Variants in HPSE2 observed in about 807,000 individuals in gnomAD.
The protein encoded by HPSE2 is inactive heparanase-2.
A neutral mutation model predicts 60.5 loss-of-function variants in HPSE2; 38 were observed. The observed-to-expected ratio is 0.63, with a 90% CI of 0.48 to 0.82. The LOEUF (loss-of-function observed/expected upper bound fraction) is 0.82, where lower values mean the gene tolerates loss of function less well. Ranked by LOEUF, HPSE2 falls within the 40% of genes least tolerant of loss-of-function variation. The pLI, the probability that HPSE2 is intolerant of heterozygous loss-of-function variation, is 0.00. For synonymous variants in HPSE2, 295 were observed against 293.2 expected (o/e 1.01, Z -0.06); for missense variants, 713 against 740.4 (o/e 0.96, Z 0.43).
intron 4 of HPSE2, among the ~76,000 whole-genome samples, chr10:98,726,933 C>T (rs1220805060): frequency 6.6e-6 from 1 of 151,970 alleles, no homozygotes; most frequent in African/African-American, 2.4e-5. Context: ...AATGTGTTTC[C>T]CAACCAACAC....
At chr10:98,984,939 G>A (rs1040379385) in intron 3 of HPSE2, among the ~76,000 whole-genome samples, 9 of 152,078 alleles carry the variant, frequency 5.9e-5, no homozygotes, top group Non-Finnish European at 1.3e-4. Context: ...GAAGTTTAGA[G>A]AAAAAAGAAT....
At chr10:98,840,232 G>A (rs191746349) in intron 3 of HPSE2, among the ~76,000 whole-genome samples, 10 of 152,216 alleles carry the variant, frequency 6.6e-5, no homozygotes, top group East Asian at 1.9e-4. Flanking sequence ...TCAGCTGGGC[G>A]GGATTATATG....
intron 3 of HPSE2, among the ~76,000 whole-genome samples, chr10:99,133,886 A>G (rs1041971085): frequency 6.6e-6 from 1 of 152,206 alleles, no homozygotes; most frequent in African/African-American, 2.4e-5. Context: ...ACAGATCGAC[A>G]GAAGTAGGCT....
intron 3 of HPSE2, among the ~76,000 whole-genome samples, chr10:98,902,826 A>G (rs1437260089): frequency 6.6e-6 from 1 of 152,196 alleles, no homozygotes; most frequent in Non-Finnish European, 1.5e-5. Context: ...AAAAGGCACC[A>G]AAAATAAGAC....
intron 3 of HPSE2, among the ~76,000 whole-genome samples, chr10:98,898,089 G>A (rs1281327315): frequency 6.6e-6 from 1 of 152,096 alleles, no homozygotes; most frequent in Non-Finnish European, 1.5e-5. Context: ...ATAAGCATAT[G>A]AAAAGATGCT....
chr10:98,571,060 G>A (rs1473685040), intron 9 of HPSE2, among the ~76,000 whole-genome samples: 2 of 152,150 alleles, frequency 1.3e-5, no homozygotes. Context: ...TTGTACTAGT[G>A]CAATCGAAGA....
At chr10:98,483,434 C>T (rs145495855) in intron 10 of HPSE2, among the ~76,000 whole-genome samples, 4 of 152,218 alleles carry the variant, frequency 2.6e-5, no homozygotes, top group African/African-American at 7.2e-5. Flanking sequence ...AACATTTTTG[C>T]CATTATAAAT....
At chr10:98,465,120 TA>T (rs2133588206) in intron 11 of HPSE2, among the ~76,000 whole-genome samples, 1 of 152,358 alleles carries the variant, frequency 6.6e-6, no homozygotes, top group African/African-American at 2.4e-5. Context: ...ATTTTTCTTT[TA>T]ATATTTATCT....
intron 4 of HPSE2, among the ~76,000 whole-genome samples, chr10:98,730,725 TA>T (rs1554979798): frequency 2.0e-5 from 3 of 152,134 alleles, no homozygotes; most frequent in Non-Finnish European, 4.4e-5. Context: ...TAAATTTTTT[TA>T]AAAAATGCAG....
chr10:99,133,900 G>A (rs1196393834), intron 3 of HPSE2, among the ~76,000 whole-genome samples: 1 of 152,184 alleles, frequency 6.6e-6, no homozygotes, highest in Non-Finnish European at 1.5e-5. Flanking sequence ...GTAGGCTTCA[G>A]AAGGTGGGTA....
At chr10:98,598,572 C>T (rs1326049769) in intron 9 of HPSE2, among the ~76,000 whole-genome samples, 1 of 152,092 alleles carries the variant, frequency 6.6e-6, no homozygotes, top group Non-Finnish European at 1.5e-5. Context: ...TACCTGGGTC[C>T]ACAGCGTTGT....
chr10:98,965,554 T>C (rs536499284), intron 3 of HPSE2, among the ~76,000 whole-genome samples: 52 of 152,250 alleles, frequency 3.4e-4, no homozygotes, highest in African/African-American at 1.2e-3. Context: ...AATCAGTCTT[T>C]CCAATTCCAG....
intron 3 of HPSE2, chr10:99,014,098 G>C: frequency 5.5e-6 from 1 of 181,214 alleles, no homozygotes; most frequent in Non-Finnish European, 1.2e-5. Context: ...CAGAGAACCA[G>C]AGGGAGGCCA....
rs11301458 is a variant in HPSE2, at chr10:99,053,719, C to CTTTT, written c.610+90515_610+90518dup. ...TGAATTAAGTACAGAGAGTTACAGT[C>CTTTT]TTTTTTTTTTTTTTTTTTTTTTTTT... On this transcript the variant is annotated intron_variant, in intron 3 of 11. Coordinates refer to ENST00000370552, the MANE Select transcript of HPSE2 (RefSeq NM_021828.5). Among the ~76,000 whole-genome samples, 124 of 57,808 alleles carry CTTTT rather than the reference C, an allele frequency of 2.1e-3. 30 individuals carry two copies. The highest frequency in any genetic ancestry group is 3.1e-3 in the Admixed American group (11 of 3,556). 37.9% of individuals were successfully genotyped at this position (57,808 alleles called of 152,430 possible).
intron 3 of HPSE2, among the ~76,000 whole-genome samples, chr10:98,767,723 A>G (rs1241557391): frequency 6.9e-6 from 1 of 145,562 alleles, no homozygotes; most frequent in Non-Finnish European, 1.5e-5. Context: ...ATTCATATAT[A>G]AACATACATG....
chr10:98,722,642 T>A (rs1364695825), intron 4 of HPSE2, among the ~76,000 whole-genome samples: 1 of 152,140 alleles, frequency 6.6e-6, no homozygotes, highest in Non-Finnish European at 1.5e-5. Flanking sequence ...TGAAGTAATT[T>A]TGAGCAAAGC....
chr10:99,305,979 G>GCACACACACACA, the HPSE2 span, among the ~76,000 whole-genome samples: 8,540 of 80,374 alleles, frequency 0.11, 710 homozygotes, highest in South Asian at 0.16. Flanking sequence ...GCGCGCGCGC[G>GCACACACACACA]CACACACACA....
chr10:98,571,492 C>A (rs1944491915), intron 9 of HPSE2, among the ~76,000 whole-genome samples: 1 of 152,062 alleles, frequency 6.6e-6, no homozygotes, highest in African/African-American at 2.4e-5. Context: ...TTTAAAAAAG[C>A]ATTTATCTTG....
chr10:98,782,941 G>T (rs867599723), intron 3 of HPSE2, among the ~76,000 whole-genome samples: 1,193 of 116,056 alleles, frequency 0.01, 18 homozygotes, highest in South Asian at 0.016. Flanking sequence ...TTTTTTTAAT[G>T]TTTTTTTTTT....
Sources: gnomAD v4.1 joint callset for allele counts (sites outside exome capture counted in the v4.1 genomes callset) on GRCh38, gnomAD v4.1.1 for gene constraint, MANE v1.5 for transcripts, NCBI Gene and HGNC (gene_info 2026-07-23, HGNC 2026-07-21) for gene names.